Variants in FTCD observed in about 807,000 individuals in gnomAD.
FTCD encodes formimidoyltransferase-cyclodeaminase.
In FTCD, 76 loss-of-function variants were observed where a neutral mutation model predicts 62.9. The ratio of observed to expected loss-of-function variants is 1.21; its 90% CI spans 1.00 to 1.46. FTCD has a LOEUF of 1.46. Among genes scored for constraint, FTCD ranks in the 40% most tolerant of loss-of-function variants. The pLI, the probability that FTCD is intolerant of heterozygous loss-of-function variation, is 0.00. For synonymous variants in FTCD, 397 were observed against 336.9 expected, an observed-to-expected ratio of 1.18 and a Z score of -1.95; for missense variants, 845 against 751.3, an observed-to-expected ratio of 1.12 and a Z score of -1.46.
In FTCD at chr21:46,153,278, G is replaced by C. The variant is rs576622295; in HGVS notation, c.239-243C>G. On this transcript the variant is annotated intron_variant, in intron 2 of 13. Transcript: ENST00000397746. Reference sequence around the variant, plus strand: ...CGCACCGTCCTCCCAGCCAGTGTGGGGGAGGTCCTTCAGCCCAGGAGCAGC... The same window carrying C: ...CGCACCGTCCTCCCAGCCAGTGTGGCGGAGGTCCTTCAGCCCAGGAGCAGC... 3.3e-5 allele frequency among the ~76,000 whole-genome samples: 5 copies of C among 152,312 alleles called. No individual in the cohort carries two copies. The South Asian group carries it at 1.0e-3, about 32-fold the overall frequency.
At chr21:46,155,365 A>C in intron 1 of FTCD, 105 bp downstream of exon 1, 1 of 960,596 alleles carries the variant, frequency 1.0e-6, no homozygotes, top group Non-Finnish European at 1.7e-6. Flanking sequence ...CATCCTGGGA[A>C]GACGACCCGG....
At position 46,154,143 on chromosome 21, in the gene FTCD, C is replaced by T. The variant is rs770968651; in HGVS notation, c.238+6G>A. The T allele has an allele frequency of 6.8e-6, 11 of 1,612,364 alleles. No homozygotes were observed. The South Asian group carries it at 9.9e-5, about 14-fold the overall frequency. Reference sequence around the variant, plus strand: ...CGGCAGCCACAGGAGAGCCCAGAGACCTCACCTTGGTGCCTGCTCATGTCG... The same window carrying T: ...CGGCAGCCACAGGAGAGCCCAGAGATCTCACCTTGGTGCCTGCTCATGTCG... On this transcript the variant is annotated splice_donor_region_variant and intron_variant, in intron 2 of 13. Coordinates refer to ENST00000397746, the MANE Select transcript of FTCD (RefSeq NM_206965.2).
intron 10 of FTCD, 100 bp downstream of exon 10, chr21:46,145,317 G>A: frequency 9.9e-7 from 1 of 1,009,660 alleles, no homozygotes; most frequent in Admixed American, 2.3e-5. Context: ...CTGGTCCCCA[G>A]CCCCTCCCCA....
Position 46,150,425 on chromosome 21 carries a change from A to G in FTCD, c.737T>C (p.Leu246Pro), listed in dbSNP as rs746635363. The change falls in exon 6 of 14, where the codon CTG becomes CCG. Residue 246 changes from leucine to proline, a missense_variant. Physicochemically the swap from Leu to Pro is moderately conservative, Grantham distance 98 (BLOSUM62 -3). Transcript: ENST00000397746. ...GCAGGTCTCCTCGTAGACCGTGTGC[A>G]GTGCCGTGACCTCAAAGTCCAGAAG... ...TNLLDFEVTALHTVYEETCRE... is the reference protein window; with the variant it reads ...TNLLDFEVTAPHTVYEETCRE... The G allele has an allele frequency of 6.2e-7, 1 of 1,613,026 alleles. No individual in the cohort carries two copies. Among genetic ancestry groups the G allele is most frequent in the Non-Finnish European group, 8.5e-7 (1 of 1,179,958 alleles).
chr21:46,154,971 C>A (rs558613255), intron 1 of FTCD, among the ~76,000 whole-genome samples: 18 of 152,296 alleles, frequency 1.2e-4, no homozygotes, highest in African/African-American at 4.3e-4. Context: ...GGCGAGAGGC[C>A]GGACCTGGGG....
intron 10 of FTCD, among the ~76,000 whole-genome samples, chr21:46,143,428 G>T (rs1017719989): frequency 1.3e-5 from 2 of 151,926 alleles, no homozygotes; most frequent in Admixed American, 6.6e-5. Context: ...GAGACCGAGG[G>T]CACGAGCTGT....
Position 46,138,541 on chromosome 21 carries a change from C to T in FTCD, c.1410G>A (p.Arg470=), listed in dbSNP as rs749447695. The T allele has an allele frequency of 6.9e-6, 11 of 1,586,766 alleles. No homozygotes were observed. The Admixed American group carries it at 1.2e-4, about 18-fold the overall frequency. The stretch of plus-strand genomic sequence containing the variant: ...CTGACCGGCAGGCCAGGTTCCCACA[C>T]CGGGCCAGTTCCTGCAGGGCCGGCC... The part of the protein sequence containing the change: ...SLWPALQELA[R]CGNLACRSDL... The change falls in exon 12 of 14, where the codon CGG becomes CGA. Residue 470 remains arginine (R), a synonymous_variant. Transcript: ENST00000397746.
chr21:46,151,818 GCCCAGCCAC>G, intron 4 of FTCD, 65 bp downstream of exon 4: 1 of 1,577,766 alleles, frequency 6.3e-7, no homozygotes, highest in Non-Finnish European at 8.6e-7. Flanking sequence ...GAGGGGCCCG[GCCCAGCCAC>G]CCCAGCCAGG....
At chr21:46,150,074 TC>T in intron 7 of FTCD, 44 bp downstream of exon 7, 1 of 726,158 alleles carries the variant, frequency 1.4e-6, no homozygotes, top group Non-Finnish European at 2.4e-6. Flanking sequence ...CTCCCCACCC[TC>T]CCTGCACGCC....
chr21:46,152,801 C>T, intron 3 of FTCD, 106 bp downstream of exon 3: 2 of 960,332 alleles, frequency 2.1e-6, no homozygotes, highest in East Asian at 5.4e-5. Flanking sequence ...AACACTCTGC[C>T]CTTGCAAGAG....
intron 10 of FTCD, among the ~76,000 whole-genome samples, chr21:46,143,070 G>C (rs78953311): frequency 0.019 from 2,845 of 152,250 alleles, 87 homozygotes; most frequent in African/African-American, 0.065. Flanking sequence ...GGGACCCTCA[G>C]GCGACTCCCT....
intron 12 of FTCD, among the ~76,000 whole-genome samples, chr21:46,137,603 A>AC: frequency 8.2e-6 from 1 of 121,918 alleles, no homozygotes; most frequent in Non-Finnish European, 1.8e-5. Context: ...AGGAACCAGG[A>AC]CCACAGTTCT....
chr21:46,136,302 G>A (rs1414479720), downstream of FTCD: 3 of 710,288 alleles, frequency 4.2e-6, no homozygotes, highest in East Asian at 5.4e-5. Flanking sequence ...CTTCTCTGGA[G>A]ACAGGAGGCT....
intron 7 of FTCD, chr21:46,146,676 C>G: frequency 2.6e-6 from 1 of 388,658 alleles, no homozygotes; most frequent in Non-Finnish European, 4.7e-6. Flanking sequence ...CCATCGCTGA[C>G]GGGCGGGAAA....
Position 46,136,864 on chromosome 21 carries a change from C to T in FTCD, c.*123G>A. The T allele has an allele frequency of 6.4e-7, 1 of 1,559,496 alleles. No homozygotes were observed. Among genetic ancestry groups the T allele is most frequent in the Non-Finnish European group, 8.7e-7 (1 of 1,152,294 alleles). ...GCCTCCATTCCCAGGCGATGCCCCG[C>T]TGCCTGCCCACCTACCCTCCGGGCC... On this transcript the variant is annotated 3_prime_UTR_variant, in exon 14 of 14. Transcript: ENST00000397746.
At chr21:46,140,602 T>C (rs79095705) in intron 10 of FTCD, among the ~76,000 whole-genome samples, 11 of 91,066 alleles carry the variant, frequency 1.2e-4, no homozygotes, top group South Asian at 3.9e-4. Flanking sequence ...TGTAAACCAA[T>C]CCAGCACTCC....
chr21:46,140,659 A>C (rs1258831004), intron 10 of FTCD, among the ~76,000 whole-genome samples: 24 of 100,102 alleles, frequency 2.4e-4, no homozygotes, highest in African/African-American at 4.7e-4. Flanking sequence ...CCCACCCAGC[A>C]CTCCCCGTCC....
intron 10 of FTCD, among the ~76,000 whole-genome samples, chr21:46,141,307 T>A (rs938139668): frequency 3.3e-5 from 5 of 151,020 alleles, no homozygotes; most frequent in Non-Finnish European, 5.9e-5. Context: ...GGCTTTATTT[T>A]TTTTTTTTCT....
Position 46,154,132 on chromosome 21 carries a change from G to T in FTCD, c.238+17C>A. On this transcript the variant is annotated intron_variant, in intron 2 of 13. Coordinates refer to ENST00000397746, the MANE Select transcript of FTCD (RefSeq NM_206965.2). ...ATTCTGAGACACGGCAGCCACAGGA[G>T]AGCCCAGAGACCTCACCTTGGTGCC... The T allele has an allele frequency of 6.2e-7, 1 of 1,612,090 alleles. No individual in the cohort carries two copies. Among genetic ancestry groups the T allele is most frequent in the Non-Finnish European group, 8.5e-7 (1 of 1,179,302 alleles).
Sources: gnomAD v4.1 joint callset for allele counts (sites outside exome capture counted in the v4.1 genomes callset) on GRCh38, gnomAD v4.1.1 for gene constraint, MANE v1.5 for transcripts, NCBI Gene and HGNC (gene_info 2026-07-23, HGNC 2026-07-21) for gene names.